SEMA3A: variants seen among roughly 807,000 people sequenced by gnomAD.
SEMA3A encodes semaphorin-3A.
A neutral mutation model predicts 97.9 loss-of-function variants in SEMA3A; 29 were observed. The ratio of observed to expected loss-of-function variants is 0.30; its 90% confidence interval spans 0.22 to 0.40. SEMA3A has a LOEUF of 0.40. Among genes scored for constraint, SEMA3A ranks in the 10% least tolerant of loss-of-function variants. The pLI is 1.00. For missense variants in SEMA3A, 763 were observed against 951.3 expected, an observed-to-expected ratio of 0.80 and a Z score of 2.60; for synonymous variants, 321 against 323.7, an observed-to-expected ratio of 0.99 and a Z score of 0.09.
intron 1 of SEMA3A, among the ~76,000 whole-genome samples, chr7:84,418,283 C>G (rs932597439): frequency 6.6e-6 from 1 of 152,076 alleles, no homozygotes; most frequent in African/African-American, 2.4e-5. Context: ...GAATGAGGAG[C>G]AAAGTCACAT....
At chr7:84,391,917 G>T (rs918768172) in intron 1 of SEMA3A, among the ~76,000 whole-genome samples, 1 of 150,030 alleles carries the variant, frequency 6.7e-6, no homozygotes, top group African/African-American at 2.5e-5. Flanking sequence ...CCATGATAGT[G>T]CCAATATACT....
chr7:84,481,070 A>C (rs993573015), intron 1 of SEMA3A, among the ~76,000 whole-genome samples: 4 of 152,152 alleles, frequency 2.6e-5, no homozygotes, highest in Admixed American at 1.3e-4. Flanking sequence ...GAAAAGTGTG[A>C]GGAGAGAGTG....
chr7:84,070,872 C>T (rs1411723570), intron 4 of SEMA3A, among the ~76,000 whole-genome samples: 4 of 151,974 alleles, frequency 2.6e-5, no homozygotes, highest in Admixed American at 6.6e-5. Flanking sequence ...TTCAGAGATT[C>T]CTGCTGATAT....
intron 1 of SEMA3A, among the ~76,000 whole-genome samples, chr7:84,438,696 T>C (rs1326269471): frequency 2.0e-5 from 3 of 152,052 alleles, no homozygotes; most frequent in East Asian, 1.9e-4. Context: ...TAAAGACTTC[T>C]GTATGGTAAG....
chr7:84,075,363 C>T (rs1439537173), intron 4 of SEMA3A, among the ~76,000 whole-genome samples: 10 of 150,242 alleles, frequency 6.7e-5, no homozygotes, highest in African/African-American at 1.5e-4. Context: ...TTAGTAGAGA[C>T]GGCCAGGCTG....
chr7:84,324,164 A>C (rs1801721068), intron 2 of SEMA3A, among the ~76,000 whole-genome samples: 1 of 152,204 alleles, frequency 6.6e-6, no homozygotes. Flanking sequence ...GATTTTAAAA[A>C]ATTACAGTGT....
At chr7:83,983,183 TTCTC>T (rs921270755) in intron 13 of SEMA3A, among the ~76,000 whole-genome samples, 3 of 151,884 alleles carry the variant, frequency 2.0e-5, no homozygotes, top group African/African-American at 7.2e-5. Context: ...CCTTCCCCAT[TTCTC>T]TCTCTTTCTT....
intron 2 of SEMA3A, among the ~76,000 whole-genome samples, chr7:84,326,230 A>G (rs1801772839): frequency 6.6e-6 from 1 of 152,200 alleles, no homozygotes; most frequent in South Asian, 2.1e-4. Flanking sequence ...TTTAGAGGAA[A>G]GATGCATGTT....
Position 84,063,640 on chromosome 7 carries a change from G to C in SEMA3A, c.454-3082C>G, listed in dbSNP as rs200336728. Among the ~76,000 whole-genome samples, 882 of 149,792 alleles carry C rather than the reference G, an allele frequency of 5.9e-3. 10 individuals are homozygous for C. Among genetic ancestry groups the C allele is most frequent in the African/African-American group, 0.02 (807 of 40,472 alleles). ...GAAGAATGCAGAAGCCTCAGGAGAC[G>C]ATGCGATCAACTGGAAGAAAGGGTA... On this transcript the variant is annotated intron_variant, in intron 4 of 16. Transcript: ENST00000265362.
At chr7:84,438,938 C>T (rs933192144) in intron 1 of SEMA3A, among the ~76,000 whole-genome samples, 3 of 151,942 alleles carry the variant, frequency 2.0e-5, no homozygotes, top group African/African-American at 7.2e-5. Flanking sequence ...AGGCAACAAC[C>T]TGTAAGTATC....
chr7:83,980,514 A>T (rs2062211713), intron 14 of SEMA3A, among the ~76,000 whole-genome samples: 1 of 149,266 alleles, frequency 6.7e-6, no homozygotes, highest in Non-Finnish European at 1.5e-5. Context: ...GTGAGACAGG[A>T]GAATCTCTTG....
Position 84,344,032 on chromosome 7 carries a change from G to C in SEMA3A, c.-169+27792C>G, listed in dbSNP as rs79836728. 2.4e-3 allele frequency among the ~76,000 whole-genome samples: 370 copies of C among 151,504 alleles called. 1 individual carries two copies. Among genetic ancestry groups the C allele is most frequent in the African/African-American group, 8.3e-3 (344 of 41,338 alleles). On this transcript the variant is annotated intron_variant, in intron 2 of 3. Transcript: ENST00000424555. ...CGGGGAAAAAAAAAAAAGAAAATTT[G>C]TAATATTCATATAGACATTATTTAA...
At chr7:84,119,972 A>T (rs1583994601) in intron 3 of SEMA3A, among the ~76,000 whole-genome samples, 1 of 152,258 alleles carries the variant, frequency 6.6e-6, no homozygotes, top group East Asian at 1.9e-4. Context: ...CAAATATTTT[A>T]TCTTCATTTC....
intron 1 of SEMA3A, among the ~76,000 whole-genome samples, chr7:84,181,973 A>G (rs893887674): frequency 1.3e-5 from 2 of 152,158 alleles, no homozygotes; most frequent in African/African-American, 2.4e-5. Context: ...AAAACTCTAT[A>G]AAATCTGACT....
At chr7:84,383,651 A>G (rs1803324856) in intron 1 of SEMA3A, among the ~76,000 whole-genome samples, 1 of 152,184 alleles carries the variant, frequency 6.6e-6, no homozygotes, top group Admixed American at 6.5e-5. Context: ...TTGCCATCCA[A>G]ATTTCTGTGG....
chr7:84,282,805 G>A (rs1275558167), intron 3 of SEMA3A, among the ~76,000 whole-genome samples: 2 of 152,018 alleles, frequency 1.3e-5, no homozygotes, highest in African/African-American at 4.8e-5. Context: ...CTTGAGGTCA[G>A]GAATTTGAAA....
At chr7:84,331,143 T>C (rs181241869) in intron 2 of SEMA3A, among the ~76,000 whole-genome samples, 65 of 152,234 alleles carry the variant, frequency 4.3e-4, no homozygotes, top group African/African-American at 1.6e-3. Context: ...CTGAGTAATC[T>C]CCAAATCCTA....
intron 2 of SEMA3A, among the ~76,000 whole-genome samples, chr7:84,339,778 C>A (rs185886254): frequency 1.3e-5 from 2 of 152,156 alleles, no homozygotes; most frequent in Admixed American, 1.3e-4. Flanking sequence ...TAGAGCTAAA[C>A]GGTGTTTCAT....
Position 84,014,134 on chromosome 7 carries a change from CAGGT to C in SEMA3A, c.810+71_810+74del, listed in dbSNP as rs933069099. ...CCATAATTTTTATTGTATATGCACA[CAGGT>C]AGAAAATTTTAAAAAGCAAAGCTGT... On this transcript the variant is annotated intron_variant, in intron 7 of 16. Transcript: ENST00000265362. 1.3e-4 allele frequency: 174 copies of C among 1,290,602 alleles called. No homozygotes were observed. The African/African-American group carries it at 2.4e-3, about 18-fold the overall frequency. The allele number at this position is 1,290,602 out of a possible 1,614,324, so 79.9% of individuals were successfully genotyped here. A position where few individuals can be genotyped will look rare whatever the true frequency, so the allele number is the denominator to read the frequency against.
Sources: allele counts gnomAD v4.1 joint callset (sites outside exome capture counted in the v4.1 genomes callset), GRCh38; gene constraint gnomAD v4.1.1; transcripts MANE v1.5; gene names NCBI Gene and HGNC (gene_info 2026-07-23, HGNC 2026-07-21).